The following CALN1 variants were observed in gnomAD, a reference collection of about 807,000 sequenced individuals.
The protein encoded by CALN1 is calneuron 1, also known as calcium-binding protein 8.
CALN1 carries 17 observed loss-of-function variants against 30.6 expected under a neutral mutation model. The ratio of observed to expected loss-of-function variants is 0.56; its 90% CI spans 0.38 to 0.83. CALN1 has a LOEUF of 0.83. CALN1 is among the 40% of genes least tolerant of loss of function. The pLI is 0.00. For missense variants in CALN1, 291 were observed against 354.9 expected (o/e 0.82, Z 1.45); for synonymous variants, 156 against 131.4 (o/e 1.19, Z -1.28).
In CALN1 at chr7:72,357,454, A is replaced by C. The variant is rs145345796; in HGVS notation, c.119+45797T>G. On this transcript the variant is annotated intron_variant, in intron 2 of 6. Coordinates refer to ENST00000395275, the MANE Select transcript of CALN1 (RefSeq NM_031468.4). The stretch of plus-strand genomic sequence containing the variant: ...CGATTGGAAATAAAGCAAATTTCTT[A>C]TCAAAGAAGAAAATTAAAGGTAGAG... Among the ~76,000 whole-genome samples the C allele has an allele frequency of 3.9e-5, 6 of 152,092 alleles. No homozygotes were observed. The East Asian group carries it at 1.2e-3, about 29-fold the overall frequency.
intron 5 of CALN1, among the ~76,000 whole-genome samples, chr7:72,007,308 G>A (rs558464209): frequency 9.3e-4 from 141 of 152,316 alleles, no homozygotes; most frequent in African/African-American, 3.2e-3. Context: ...CACTTTGGTA[G>A]GCCGAAGTGG....
the CALN1 span, among the ~76,000 whole-genome samples, chr7:72,491,169 G>A: frequency 4.1e-3 from 625 of 151,876 alleles, 3 homozygotes; most frequent in African/African-American, 0.014. Context: ...GCGTGAACCC[G>A]GAAGGCGGAG....
At chr7:72,329,412 G>C (rs1801507351) in intron 2 of CALN1, among the ~76,000 whole-genome samples, 1 of 152,138 alleles carries the variant, frequency 6.6e-6, no homozygotes, top group Admixed American at 6.6e-5. Context: ...AAACCCCTCA[G>C]TGGCTTCTAC....
rs537616800 is a variant in CALN1 at position 72,334,704 on chromosome 7, T to C, written c.120-55894A>G. The stretch of plus-strand genomic sequence containing the variant: ...CAGAGTTCAGGGAAAGGTGACATCT[T>C]GGTGAACAATTCTAAGAGGATTTAG... On this transcript the variant is annotated intron_variant, in intron 2 of 6. Coordinates refer to ENST00000395275, the MANE Select transcript of CALN1 (RefSeq NM_031468.4). Among the ~76,000 whole-genome samples the C allele has an allele frequency of 2.6e-5, 4 of 152,368 alleles. No individual in the cohort carries two copies. The East Asian group carries it at 7.7e-4, about 29-fold the overall frequency.
chr7:72,252,264 G>A (rs528436816), intron 3 of CALN1, among the ~76,000 whole-genome samples: 11 of 151,872 alleles, frequency 7.2e-5, no homozygotes, highest in African/African-American at 1.7e-4. Context: ...CACCTACCCC[G>A]CACCCCAATC....
intron 4 of CALN1, among the ~76,000 whole-genome samples, chr7:72,076,646 A>AAAAAAAAAAAAAAAAAAG (rs1563035689): frequency 8.0e-6 from 1 of 124,532 alleles, no homozygotes; most frequent in African/African-American, 3.2e-5. Context: ...AAAAAAAAAA[A>AAAAAAAAAAAAAAAAAAG]AGCAAAGACA....
At chr7:71,900,358 A>C (rs1447928958) in intron 5 of CALN1, among the ~76,000 whole-genome samples, 1 of 152,246 alleles carries the variant, frequency 6.6e-6, no homozygotes, top group Non-Finnish European at 1.5e-5. Flanking sequence ...TGGAAAAGAC[A>C]AAGTCAAATT....
chr7:72,278,008 C>CGGG (rs3032250), intron 3 of CALN1, among the ~76,000 whole-genome samples: 9,241 of 47,002 alleles, frequency 0.2, 1,294 homozygotes, highest in Middle Eastern at 0.34. Context: ...TCCTCTATTC[C>CGGG]GGGGGGGGGG....
chr7:72,067,317 C>T (rs1465521691), intron 4 of CALN1, among the ~76,000 whole-genome samples: 1 of 152,200 alleles, frequency 6.6e-6, no homozygotes, highest in Non-Finnish European at 1.5e-5. Context: ...TCATGGCTCA[C>T]TGCAGCCTCC....
intron 4 of CALN1, among the ~76,000 whole-genome samples, chr7:72,039,695 T>C (rs1337525584): frequency 6.6e-6 from 1 of 152,200 alleles, no homozygotes; most frequent in African/African-American, 2.4e-5. Flanking sequence ...CACACCATAG[T>C]TGGACAGGCT....
chr7:72,235,356 GC>G (rs953362674), intron 3 of CALN1, among the ~76,000 whole-genome samples: 1 of 152,032 alleles, frequency 6.6e-6, no homozygotes, highest in Non-Finnish European at 1.5e-5. Context: ...GTGTGTCCAC[GC>G]CTTATAGAAT....
At chr7:72,362,754 C>G (rs1352327164) in intron 2 of CALN1, among the ~76,000 whole-genome samples, 1 of 152,172 alleles carries the variant, frequency 6.6e-6, no homozygotes, top group Non-Finnish European at 1.5e-5. Context: ...TGCAGCCTTT[C>G]TTCCTTTCTT....
At chr7:72,487,854 G>GAA in the CALN1 span, among the ~76,000 whole-genome samples, 4 of 69,540 alleles carry the variant, frequency 5.8e-5, no homozygotes, top group South Asian at 5.0e-4. Flanking sequence ...GAAAAAGAAA[G>GAA]AGAAAGAAAG....
At chr7:72,390,751 A>G (rs192247858) in intron 2 of CALN1, among the ~76,000 whole-genome samples, 16 of 152,328 alleles carry the variant, frequency 1.1e-4, no homozygotes, top group East Asian at 7.7e-4. Flanking sequence ...TATGATTATT[A>G]TATCTACCAA....
chr7:71,821,366 A>G (rs6975193), intron 5 of CALN1, among the ~76,000 whole-genome samples: 54,790 of 151,912 alleles, frequency 0.36, 10,656 homozygotes, highest in East Asian at 0.58. Flanking sequence ...AAGAAGAAGA[A>G]GTTTAAAGGA....
intron 1 of CALN1, among the ~76,000 whole-genome samples, chr7:72,434,573 G>GGAAGAAGAAGGA (rs372647971): frequency 6.6e-6 from 1 of 151,452 alleles, no homozygotes; most frequent in Non-Finnish European, 1.5e-5. Context: ...AAGAGGAAGA[G>GGAAGAAGAAGGA]GAAGAAGAAG....
the CALN1 span, among the ~76,000 whole-genome samples, chr7:72,479,221 A>T: frequency 6.6e-6 from 1 of 152,106 alleles, no homozygotes; most frequent in African/African-American, 2.4e-5. Context: ...CGTATATTTC[A>T]TCTGTTTTAA....
At chr7:71,932,421 C>A (rs1330025626) in intron 5 of CALN1, among the ~76,000 whole-genome samples, 1 of 152,062 alleles carries the variant, frequency 6.6e-6, no homozygotes, top group African/African-American at 2.4e-5. Context: ...CCTGCCTCGG[C>A]CTCCCAAAGT....
chr7:72,230,175 G>A (rs1208049586), intron 3 of CALN1, among the ~76,000 whole-genome samples: 1 of 151,688 alleles, frequency 6.6e-6, no homozygotes, highest in Non-Finnish European at 1.5e-5. Context: ...ACAAAACCTA[G>A]ATGACAGGTT....
Sources: gnomAD v4.1 joint callset for allele counts (sites outside exome capture counted in the v4.1 genomes callset) on GRCh38, gnomAD v4.1.1 for gene constraint, MANE v1.5 for transcripts, NCBI Gene and HGNC (gene_info 2026-07-23, HGNC 2026-07-21) for gene names.